MYO16: variants seen among roughly 807,000 people sequenced by gnomAD.
MYO16 encodes unconventional myosin-XVI.
Under a neutral mutation model 205.3 loss-of-function variants are expected in MYO16, and 94 were observed. The observed-to-expected ratio is 0.46, with a 90% CI of 0.39 to 0.54. MYO16 has a LOEUF of 0.54. MYO16 is among the 20% of genes least tolerant of loss of function. The pLI is 0.00. For missense variants in MYO16, 2,315 were observed against 2,387.5 expected, an observed-to-expected ratio of 0.97 and a Z score of 0.63; for synonymous variants, 988 against 954.0, an observed-to-expected ratio of 1.04 and a Z score of -0.66.
At chr13:108,554,027 T>C in the MYO16 span, among the ~76,000 whole-genome samples, 62 of 152,340 alleles carry the variant, frequency 4.1e-4, no homozygotes, top group African/African-American at 1.4e-3. Context: ...GCTGCCTCCA[T>C]GTTGCTAAAC....
chr13:109,129,751 G>T (rs1019820467), intron 31 of MYO16, among the ~76,000 whole-genome samples: 15 of 152,132 alleles, frequency 9.9e-5, no homozygotes, highest in Non-Finnish European at 1.9e-4. Context: ...ATTGAAAATT[G>T]CAGCAAGTAC....
rs542632072 is a variant in MYO16, at chr13:109,139,116, G to A, written c.4052-1148G>A. On this transcript the variant is annotated intron_variant, in intron 31 of 34. Coordinates refer to ENST00000457511, the MANE Select transcript of MYO16 (RefSeq NM_001198950.3). The stretch of plus-strand genomic sequence containing the variant: ...ACTACAAGTGCCCGCCACCACTCCC[G>A]GCTAATTTTTGTATTTTTGGTGGAG... 8.5e-5 allele frequency among the ~76,000 whole-genome samples: 13 copies of A among 152,084 alleles called. No homozygotes were observed. In the East Asian group the frequency reaches 1.7e-3, roughly 20 times the overall value.
intron 32 of MYO16, among the ~76,000 whole-genome samples, chr13:109,144,418 G>T (rs1877238061): frequency 6.6e-6 from 1 of 152,174 alleles, no homozygotes; most frequent in Non-Finnish European, 1.5e-5. Flanking sequence ...ATGTAGGAGA[G>T]GTTAAACATA....
chr13:108,738,724 A>G (rs541348805), intron 4 of MYO16, among the ~76,000 whole-genome samples: 1 of 152,242 alleles, frequency 6.6e-6, no homozygotes, highest in South Asian at 2.1e-4. Context: ...TCTGTGTAAT[A>G]TTGACAGTGG....
intron 6 of MYO16, among the ~76,000 whole-genome samples, chr13:108,799,950 A>G (rs1367244647): frequency 6.6e-6 from 1 of 152,166 alleles, no homozygotes; most frequent in East Asian, 1.9e-4. Flanking sequence ...TTTAGATGGT[A>G]TCTAGCTCTC....
chr13:109,066,395 C>A (rs981138294), intron 27 of MYO16, among the ~76,000 whole-genome samples: 5 of 152,152 alleles, frequency 3.3e-5, no homozygotes, highest in Non-Finnish European at 7.4e-5. Context: ...TAACCATTTT[C>A]TTTCTGCTGA....
chr13:108,542,240 G>C, the MYO16 span, among the ~76,000 whole-genome samples: 3 of 152,074 alleles, frequency 2.0e-5, 1 homozygote, highest in Middle Eastern at 0.01. Flanking sequence ...AAAATCTCAT[G>C]GTCTCACAAG....
intron 27 of MYO16, among the ~76,000 whole-genome samples, chr13:109,082,217 T>C (rs1888303693): frequency 6.6e-6 from 1 of 152,164 alleles, no homozygotes; most frequent in African/African-American, 2.4e-5. Context: ...ATTCACTGAA[T>C]GCAGGAGGAG....
intron 10 of MYO16, among the ~76,000 whole-genome samples, chr13:108,849,363 G>C (rs1485871728): frequency 2.0e-5 from 3 of 151,964 alleles, no homozygotes; most frequent in Non-Finnish European, 4.4e-5. Flanking sequence ...GCTAATTTTT[G>C]TATTTTTAGT....
chr13:108,611,324 A>G (rs1373888755), intron 1 of MYO16, among the ~76,000 whole-genome samples: 1 of 152,226 alleles, frequency 6.6e-6, no homozygotes, highest in African/African-American at 2.4e-5. Flanking sequence ...GAATCAAATT[A>G]ATCATTTTAA....
intron 29 of MYO16, among the ~76,000 whole-genome samples, chr13:109,124,747 T>C (rs749458640): frequency 3.3e-5 from 5 of 152,192 alleles, no homozygotes; most frequent in African/African-American, 7.2e-5. Context: ...TATGTAATAA[T>C]GTGATGTAAT....
At chr13:108,569,724 A>G in the MYO16 span, among the ~76,000 whole-genome samples, 1 of 152,086 alleles carries the variant, frequency 6.6e-6, no homozygotes, top group African/African-American at 2.4e-5. Flanking sequence ...TCTTGTTCTG[A>G]TTTTAACGAT....
chr13:109,116,669 T>A (rs1309832098), intron 28 of MYO16, among the ~76,000 whole-genome samples: 2 of 152,192 alleles, frequency 1.3e-5, no homozygotes, highest in Non-Finnish European at 2.9e-5. Context: ...ACCAAAAGTA[T>A]TTCCTGAATA....
the MYO16 span, among the ~76,000 whole-genome samples, chr13:108,569,341 G>T: frequency 1.6e-4 from 24 of 151,904 alleles, no homozygotes; most frequent in South Asian, 1.0e-3. Context: ...TTTTAACAAT[G>T]TTTTTTTGGT....
chr13:108,681,603 CT>C (rs139888560), intron 2 of MYO16, among the ~76,000 whole-genome samples: 10,663 of 150,094 alleles, frequency 0.071, 530 homozygotes, highest in East Asian at 0.24. Flanking sequence ...CCTCATCTTT[CT>C]TTTTTTTTCC....
In MYO16 at chr13:108,855,622, C is replaced by T. The variant is rs973528299; in HGVS notation, c.1359+69C>T. The T allele has an allele frequency of 2.1e-5, 23 of 1,070,208 alleles. No individual in the cohort carries two copies. The African/African-American group carries it at 3.1e-4, about 14-fold the overall frequency. 66.3% of individuals were successfully genotyped at this position (1,070,208 alleles called of 1,614,324 possible). ...TGCATATTTTTATCACCCTTCAGTG[C>T]TTCAAATGTTGCAAGTAAAGGGCTC... On this transcript the variant is annotated intron_variant, in intron 11 of 34. Transcript: ENST00000457511.
At chr13:108,667,379 A>G (rs930044879) in intron 2 of MYO16, among the ~76,000 whole-genome samples, 10 of 146,528 alleles carry the variant, frequency 6.8e-5, no homozygotes, top group Admixed American at 5.6e-4. Context: ...TTTGAGCTGG[A>G]AAGTACCTAA....
intron 23 of MYO16, among the ~76,000 whole-genome samples, chr13:109,045,565 C>T (rs1887014379): frequency 6.6e-6 from 1 of 152,216 alleles, no homozygotes; most frequent in Non-Finnish European, 1.5e-5. Flanking sequence ...AACTGATCTT[C>T]TGACCCAAAT....
At chr13:108,592,049 T>G (rs1878412153), upstream of MYO16, among the ~76,000 whole-genome samples, 1 of 148,666 alleles carries the variant, frequency 6.7e-6, no homozygotes, top group Non-Finnish European at 1.5e-5. Context: ...AAAAATTTAA[T>G]TATATTGTGT....
Sources: allele counts gnomAD v4.1 joint callset (sites outside exome capture counted in the v4.1 genomes callset), GRCh38; gene constraint gnomAD v4.1.1; transcripts MANE v1.5; gene names NCBI Gene and HGNC (gene_info 2026-07-23, HGNC 2026-07-21).